Variants in OPCML observed in about 807,000 individuals in gnomAD.
OPCML encodes opioid-binding protein/cell adhesion molecule.
Under a neutral mutation model 37.8 loss-of-function variants are expected in OPCML, and 13 were observed. The observed-to-expected ratio is 0.34, with a 90% CI of 0.22 to 0.55. OPCML has a LOEUF of 0.55. OPCML is among the 20% of genes least tolerant of loss of function. The pLI is 0.91. For synonymous variants in OPCML, 176 were observed against 168.8 expected, an observed-to-expected ratio of 1.04 and a Z score of -0.33; for missense variants, 341 against 435.6, an observed-to-expected ratio of 0.78 and a Z score of 1.93.
intron 1 of OPCML, among the ~76,000 whole-genome samples, chr11:133,517,343 C>T (rs1419480779): frequency 6.6e-6 from 1 of 152,160 alleles, no homozygotes; most frequent in African/African-American, 2.4e-5. Context: ...ATTGCATGTG[C>T]ATGCCTAAAA....
At chr11:133,523,462 T>G (rs998081830) in intron 1 of OPCML, among the ~76,000 whole-genome samples, 2 of 152,190 alleles carry the variant, frequency 1.3e-5, no homozygotes, top group Admixed American at 1.3e-4. Context: ...CAATATTTCC[T>G]AAGTTCCAAG....
At chr11:132,454,762 G>A (rs919477035) in intron 4 of OPCML, among the ~76,000 whole-genome samples, 17 of 152,192 alleles carry the variant, frequency 1.1e-4, no homozygotes, top group African/African-American at 3.6e-4. Context: ...TGACTTGTTG[G>A]AAATCCACAC....
At chr11:132,715,936 T>C (rs1484226046) in intron 2 of OPCML, among the ~76,000 whole-genome samples, 1 of 152,204 alleles carries the variant, frequency 6.6e-6, no homozygotes, top group Non-Finnish European at 1.5e-5. Context: ...ATAGAAGGCA[T>C]GTTTTAAATG....
intron 2 of OPCML, among the ~76,000 whole-genome samples, chr11:132,883,224 T>C (rs112754886): frequency 2.2e-4 from 34 of 151,224 alleles, no homozygotes; most frequent in Non-Finnish European, 5.0e-4. Flanking sequence ...GAGACCAAGG[T>C]GCCTAAGAAA....
chr11:133,214,651 A>T (rs1184445510), intron 1 of OPCML, among the ~76,000 whole-genome samples: 1 of 152,178 alleles, frequency 6.6e-6, no homozygotes, highest in Non-Finnish European at 1.5e-5. Context: ...ACACCTTTTG[A>T]GCTTTTAAAG....
At chr11:132,608,474 G>A (rs555333619) in intron 3 of OPCML, among the ~76,000 whole-genome samples, 37 of 152,166 alleles carry the variant, frequency 2.4e-4, no homozygotes, top group Non-Finnish European at 4.9e-4. Context: ...AAGGCTTTAC[G>A]GTACTTGCTT....
intron 2 of OPCML, among the ~76,000 whole-genome samples, chr11:132,659,051 G>A (rs1489605523): frequency 6.6e-6 from 1 of 152,128 alleles, no homozygotes; most frequent in Admixed American, 6.5e-5. Context: ...GCATTCACCA[G>A]TAGGACCTGA....
chr11:133,426,339 T>G (rs1946001778), intron 1 of OPCML, among the ~76,000 whole-genome samples: 1 of 152,160 alleles, frequency 6.6e-6, no homozygotes, highest in Non-Finnish European at 1.5e-5. Flanking sequence ...CTATCAACTT[T>G]CTACAAAAAT....
intron 3 of OPCML, among the ~76,000 whole-genome samples, chr11:132,532,749 G>T (rs115196712): frequency 9.7e-4 from 147 of 152,152 alleles, no homozygotes; most frequent in African/African-American, 3.5e-3. Context: ...TCAAGTCAGC[G>T]CCCCTTGCAC....
intron 4 of OPCML, among the ~76,000 whole-genome samples, chr11:132,486,966 GGTACTTA>G (rs1202985921): frequency 2.6e-5 from 4 of 152,056 alleles, no homozygotes; most frequent in Admixed American, 2.0e-4. Flanking sequence ...GCATATTATT[GGTACTTA>G]GTAAACATTA....
At chr11:133,414,106 C>T (rs1248196039) in intron 1 of OPCML, among the ~76,000 whole-genome samples, 3 of 152,182 alleles carry the variant, frequency 2.0e-5, no homozygotes, top group Admixed American at 2.0e-4. Flanking sequence ...CAGTTACTTA[C>T]CTACAGCCTA....
At chr11:132,937,266 A>G (rs1347725645) in intron 2 of OPCML, among the ~76,000 whole-genome samples, 1 of 152,134 alleles carries the variant, frequency 6.6e-6, no homozygotes, top group Non-Finnish European at 1.5e-5. Flanking sequence ...GGCCAAGGGC[A>G]GAGTCCTTTT....
intron 1 of OPCML, chr11:133,423,216 C>T (rs962656075): frequency 2.0e-6 from 2 of 985,306 alleles, no homozygotes; most frequent in African/African-American, 3.5e-5. Context: ...TCCCCTTGAT[C>T]ATTTTAATTG....
chr11:132,846,664 C>CT (rs1327350400), intron 2 of OPCML, among the ~76,000 whole-genome samples: 5 of 152,156 alleles, frequency 3.3e-5, no homozygotes, highest in Non-Finnish European at 5.9e-5. Context: ...CTGATAAATG[C>CT]TTGTCTGGTC....
intron 4 of OPCML, among the ~76,000 whole-genome samples, chr11:132,484,218 C>G (rs2096191454): frequency 6.6e-6 from 1 of 151,720 alleles, no homozygotes; most frequent in African/African-American, 2.4e-5. Context: ...AACAAATTTA[C>G]AAGAAAAAAA....
chr11:132,455,488 C>T (rs1447219008), intron 4 of OPCML, among the ~76,000 whole-genome samples: 1 of 152,226 alleles, frequency 6.6e-6, no homozygotes, highest in Non-Finnish European at 1.5e-5. Context: ...GTTAAATCTT[C>T]AAATCCGCCC....
At chr11:132,631,614 C>G (rs954739105) in intron 3 of OPCML, among the ~76,000 whole-genome samples, 1 of 150,752 alleles carries the variant, frequency 6.6e-6, no homozygotes, top group African/African-American at 2.4e-5. Flanking sequence ...CGCCCGCCAC[C>G]ACGCCCGGCT....
At chr11:132,801,339 T>C (rs966400475) in intron 2 of OPCML, among the ~76,000 whole-genome samples, 5 of 152,170 alleles carry the variant, frequency 3.3e-5, no homozygotes, top group African/African-American at 1.2e-4. Flanking sequence ...AATTGGTACT[T>C]TTATTTTAGA....
intron 2 of OPCML, among the ~76,000 whole-genome samples, chr11:132,759,261 C>G (rs1382834929): frequency 6.6e-6 from 1 of 152,030 alleles, no homozygotes; most frequent in Non-Finnish European, 1.5e-5. Flanking sequence ...CTGAAATTTT[C>G]TTTTTTTGTT....
Sources: allele counts gnomAD v4.1 joint callset (sites outside exome capture counted in the v4.1 genomes callset), GRCh38; gene constraint gnomAD v4.1.1; transcripts MANE v1.5; gene names NCBI Gene and HGNC (gene_info 2026-07-23, HGNC 2026-07-21).